Variants in SLC15A4 observed in about 807,000 individuals in gnomAD.
The protein encoded by SLC15A4 is hPHT1.
SLC15A4 carries 26 observed loss-of-function variants against 46.1 expected under a neutral mutation model. The ratio of observed to expected loss-of-function variants is 0.56; its 90% confidence interval spans 0.41 to 0.78. SLC15A4 has a LOEUF of 0.78. SLC15A4 is among the 30% of genes least tolerant of loss of function. The pLI, the probability that SLC15A4 is intolerant of heterozygous loss-of-function variation, is 0.00. For synonymous variants in SLC15A4, 370 were observed against 333.4 expected (o/e 1.11, Z -1.20); for missense variants, 751 against 755.7 (o/e 0.99, Z 0.07).
At chr12:128,803,035 T>C (rs1593006023) in intron 5 of SLC15A4, among the ~76,000 whole-genome samples, 1 of 151,864 alleles carries the variant, frequency 6.6e-6, no homozygotes, top group South Asian at 2.1e-4. Flanking sequence ...AGCAGCAGGG[T>C]TCAGGCTGAG....
chr12:128,809,638 G>A (rs911120351), intron 3 of SLC15A4, 165 bp from the exon 4 acceptor site: 88 of 586,040 alleles, frequency 1.5e-4, no homozygotes, highest in African/African-American at 1.2e-3. Context: ...TTTGGTCATC[G>A]TAAAGTCCTC....
In SLC15A4 at chr12:128,823,385, GGGCGC is replaced by G; in HGVS notation, c.546+8_546+12del. The G allele has an allele frequency of 2.8e-6, 4 of 1,406,278 alleles. No homozygotes were observed. Among genetic ancestry groups the G allele is most frequent in the Non-Finnish European group, 3.7e-6 (4 of 1,086,388 alleles). The allele number at this position is 1,406,278 out of a possible 1,614,324, so 87.1% of individuals were successfully genotyped here. A position where few individuals can be genotyped will look rare whatever the true frequency, so the allele number is the denominator to read the frequency against. Reference sequence around the variant, plus strand: ...GGACAGGGACAGGGACAGCGCGCGGGGGCGCGGCTCACCTGGTCGGCGCCGAAGGG... The same window carrying G: ...GGACAGGGACAGGGACAGCGCGCGGGGGCTCACCTGGTCGGCGCCGAAGGG... On this transcript the variant is annotated splice_region_variant and intron_variant, in intron 1 of 7. Transcript: ENST00000266771.
At position 128,814,975 on chromosome 12, in the gene SLC15A4, G is replaced by T. The variant is rs143499770; in HGVS notation, c.642C>A (p.Ala214=). The change falls in exon 2 of 8, where the codon GCC becomes GCA. Residue 214 remains alanine (A), a synonymous_variant. Transcript: ENST00000266771. The stretch of plus-strand genomic sequence containing the variant: ...CAAAGCTGACGTTCTGCTGAATATA[G>T]GCAATGCCACCTAACGACAGGATCG... ...LGAILSLGGI[A]YIQQNVSFVT... is the part of the protein sequence containing the mutation. 4.5e-5 allele frequency: 72 copies of T among 1,614,038 alleles called. No homozygotes were observed. The African/African-American group carries it at 9.2e-4, about 21-fold the overall frequency.
chr12:128,814,577 A>T, intron 2 of SLC15A4, 198 bp downstream of exon 2: 1 of 587,624 alleles, frequency 1.7e-6, no homozygotes, highest in Non-Finnish European at 3.0e-6. Context: ...GAATCAGGCC[A>T]CTGGCCTGTC....
rs922527075 is a variant in SLC15A4 at position 128,797,650 on chromosome 12, C to T, written c.1573+1609G>A. ...AGAAAGCTATTTCCTGTGTCGGTCACGAGATGGTGAGGTAGGGCCAGGGAT... is the reference window on the plus strand; with the variant it reads ...AGAAAGCTATTTCCTGTGTCGGTCATGAGATGGTGAGGTAGGGCCAGGGAT... On this transcript the variant is annotated intron_variant, in intron 7 of 7. Coordinates refer to ENST00000266771, the MANE Select transcript of SLC15A4 (RefSeq NM_145648.4). Among the ~76,000 whole-genome samples the T allele has an allele frequency of 5.3e-5, 8 of 152,178 alleles. No homozygotes were observed. The South Asian group carries it at 8.3e-4, about 16-fold the overall frequency.
At chr12:128,821,979 C>T (rs1452735290) in intron 1 of SLC15A4, among the ~76,000 whole-genome samples, 1 of 152,220 alleles carries the variant, frequency 6.6e-6, no homozygotes. Context: ...ACCTGCTACC[C>T]CAGCTGTAGT....
At chr12:128,820,239 C>T (rs754308403) in intron 1 of SLC15A4, among the ~76,000 whole-genome samples, 10 of 152,118 alleles carry the variant, frequency 6.6e-5, no homozygotes, top group Non-Finnish European at 1.2e-4. Flanking sequence ...CACACTGGGC[C>T]CATCTTAGTG....
intron 6 of SLC15A4, 108 bp from the exon 7 acceptor site, chr12:128,799,525 G>A: frequency 8.5e-7 from 1 of 1,169,698 alleles, no homozygotes; most frequent in South Asian, 1.5e-5. Flanking sequence ...CCTAGGGACT[G>A]AGTCCTGCAG....
chr12:128,799,175 C>T (rs1226348485), intron 7 of SLC15A4, 84 bp downstream of exon 7: 7 of 1,520,896 alleles, frequency 4.6e-6, no homozygotes, highest in Admixed American at 1.8e-5. Flanking sequence ...CGTGAAAACA[C>T]CTCCGCTCAC....
At position 128,823,729 on chromosome 12, in the gene SLC15A4, G is replaced by T; in HGVS notation, c.215C>A (p.Ala72Glu). Reference protein sequence around the residue: ...LNGAPFCWEGAQASEALLLFM... With the variant: ...LNGAPFCWEGEQASEALLLFM... ...GAGCAGCAGCGCCTCGCTGGCCTGC[G>T]CGCCCTCCCAGCAGAACGGCGCCCC... Residue 72 changes from alanine to glutamate, a missense_variant, in exon 1 of 8, where the codon GCG becomes GAG. Transcript: ENST00000266771. 6.5e-7 allele frequency: 1 copy of T among 1,539,554 alleles called. No homozygotes were observed. Among genetic ancestry groups the T allele is most frequent in the Non-Finnish European group, 8.7e-7 (1 of 1,152,014 alleles).
In SLC15A4 at chr12:128,823,385, G is replaced by C. The variant is rs976673087; in HGVS notation, c.546+13C>G. On this transcript the variant is annotated intron_variant, in intron 1 of 7. Coordinates refer to ENST00000266771, the MANE Select transcript of SLC15A4 (RefSeq NM_145648.4). ...GGACAGGGACAGGGACAGCGCGCGGGGGCGCGGCTCACCTGGTCGGCGCCG... is the reference window on the plus strand; with the variant it reads ...GGACAGGGACAGGGACAGCGCGCGGCGGCGCGGCTCACCTGGTCGGCGCCG... 5.9e-5 allele frequency: 83 copies of C among 1,406,160 alleles called. No homozygotes were observed. Among genetic ancestry groups the C allele is most frequent in the Non-Finnish European group, 7.3e-5 (79 of 1,086,396 alleles). The allele number at this position is 1,406,160 out of a possible 1,614,324, so 87.1% of individuals were successfully genotyped here.
chr12:128,814,514 G>A (rs759734030), intron 2 of SLC15A4: 2 of 427,142 alleles, frequency 4.7e-6, no homozygotes, highest in African/African-American at 1.9e-5. Flanking sequence ...AGGAGCTTCC[G>A]TCTACACTAG....
chr12:128,814,782 T>A lies in SLC15A4; in HGVS notation c.835A>T (p.Ser279Cys), dbSNP rs1955723161. The change falls in exon 2 of 8, where the codon AGT (serine) becomes TGT (cysteine). Residue 279 changes from serine to cysteine, a missense_variant. Physicochemically the swap from Ser to Cys is moderately radical, Grantham distance 112 (BLOSUM62 -1). Coordinates refer to ENST00000266771, the MANE Select transcript of SLC15A4 (RefSeq NM_145648.4). Reference protein sequence around the residue: ...CSQKRSGERQSNGEGIGVFQQ... With the variant: ...CSQKRSGERQCNGEGIGVFQQ... ...TGAGAACTAAGTGCTTACCCATTACTCTGGCGCTCTCCACTTCGCTTCTGG... is the reference window on the plus strand; with the variant it reads ...TGAGAACTAAGTGCTTACCCATTACACTGGCGCTCTCCACTTCGCTTCTGG... The A allele has an allele frequency of 1.2e-6, 2 of 1,613,924 alleles. No homozygotes were observed. The highest frequency in any genetic ancestry group is 8.5e-7 in the Non-Finnish European group (1 of 1,179,790).
intron 7 of SLC15A4, among the ~76,000 whole-genome samples, chr12:128,798,723 A>G (rs1343656915): frequency 6.6e-6 from 1 of 152,262 alleles, no homozygotes; most frequent in Non-Finnish European, 1.5e-5. Context: ...GTTCTGTTCA[A>G]CACTCAAGAT....
chr12:128,820,176 C>T (rs948045467), intron 1 of SLC15A4, among the ~76,000 whole-genome samples: 2 of 152,210 alleles, frequency 1.3e-5, no homozygotes, highest in African/African-American at 4.8e-5. Context: ...CACCCCAAGG[C>T]CAAGAGCCTG....
At chr12:128,816,050 C>G (rs1214797225) in intron 1 of SLC15A4, 1 of 152,170 alleles carries the variant, frequency 6.6e-6, no homozygotes, top group East Asian at 1.9e-4. Context: ...ATTAGACAGG[C>G]TATCAATGGA....
chr12:128,809,243 A>C (rs11059925), intron 4 of SLC15A4, 153 bp downstream of exon 4: 49,328 of 603,236 alleles, frequency 0.082, 2,504 homozygotes, highest in East Asian at 0.21. Context: ...CAATGAAAAA[A>C]TATTCTCTAA....
chr12:128,823,613 C>T lies in SLC15A4; in HGVS notation c.331G>A (p.Ala111Thr). 1 of 1,466,010 alleles carries T rather than the reference C, an allele frequency of 6.8e-7. No individual in the cohort carries two copies. Among genetic ancestry groups the T allele is most frequent in the Non-Finnish European group, 9.0e-7 (1 of 1,114,444 alleles). 90.8% of individuals were successfully genotyped at this position (1,466,010 alleles called of 1,614,324 possible). ...GRARAILLSL[A>T]LYLLGMLAFP... ...GCCAGCATGCCCAGCAGGTAGAGCG[C>T]CAGGCTCAGCAGGATGGCGCGCGCC... is the stretch of plus-strand genomic sequence containing the variant. The change falls in exon 1 of 8, where the codon GCG becomes ACG. Residue 111 changes from alanine to threonine, a missense_variant. Transcript: ENST00000266771.
intron 1 of SLC15A4, among the ~76,000 whole-genome samples, chr12:128,820,129 A>C (rs1228616775): frequency 6.6e-6 from 1 of 152,168 alleles, no homozygotes; most frequent in Non-Finnish European, 1.5e-5. Flanking sequence ...ATAGAGGCTG[A>C]CTGTGCTACC....
Sources: allele counts gnomAD v4.1 joint callset (sites outside exome capture counted in the v4.1 genomes callset), GRCh38; gene constraint gnomAD v4.1.1; transcripts MANE v1.5; gene names NCBI Gene and HGNC (gene_info 2026-07-23, HGNC 2026-07-21).